GNPTAB: variants seen among roughly 807,000 people sequenced by gnomAD.
GNPTAB encodes N-acetylglucosamine-1-phosphotransferase subunits alpha/beta.
In GNPTAB, 92 loss-of-function variants were observed where a neutral mutation model predicts 136.6. The observed-to-expected ratio is 0.67, with a 90% confidence interval of 0.57 to 0.80. GNPTAB has a LOEUF of 0.80. GNPTAB is among the 30% of genes least tolerant of loss of function. The pLI is 0.00. For missense variants in GNPTAB, 1,343 were observed against 1,501.8 expected, an observed-to-expected ratio of 0.89 and a Z score of 1.75; for synonymous variants, 512 against 535.1, an observed-to-expected ratio of 0.96 and a Z score of 0.60.
At chr12:101,821,615 T>C (rs890295462) in intron 1 of GNPTAB, among the ~76,000 whole-genome samples, 33 of 148,436 alleles carry the variant, frequency 2.2e-4, no homozygotes, top group Non-Finnish European at 3.9e-4. Flanking sequence ...TCAGAGGAGG[T>C]TTTCAGAGGT....
At chr12:101,828,076 T>A (rs141233445) in intron 1 of GNPTAB, among the ~76,000 whole-genome samples, 54 of 152,340 alleles carry the variant, frequency 3.5e-4, no homozygotes, top group Non-Finnish European at 6.8e-4. Context: ...ATATTAACTA[T>A]ATGATCAAAG....
At chr12:101,818,070 CCT>C (rs1376277965) in intron 1 of GNPTAB, among the ~76,000 whole-genome samples, 2 of 152,222 alleles carry the variant, frequency 1.3e-5, no homozygotes, top group Non-Finnish European at 2.9e-5. Flanking sequence ...GCTTCATTCC[CCT>C]GTCACTCCAA....
Position 101,812,464 on chromosome 12 carries a change from C to T in GNPTAB, c.118-15702G>A, listed in dbSNP as rs533526129. On this transcript the variant is annotated intron_variant, in intron 1 of 20. Coordinates refer to ENST00000299314, the MANE Select transcript of GNPTAB (RefSeq NM_024312.5). ...AAGGCCTCAAAAAATTAGCAAAAAC[C>T]TCAAAGTTGGGCTGGGCACAGTGGC... Among the ~76,000 whole-genome samples the T allele has an allele frequency of 2.1e-4, 32 of 152,228 alleles. 2 individuals carry two copies. The highest frequency in any genetic ancestry group is 3.4e-3 in the Middle Eastern group (1 of 294).
intron 7 of GNPTAB, among the ~76,000 whole-genome samples, chr12:101,775,443 T>G (rs944250061): frequency 6.6e-6 from 1 of 150,430 alleles, no homozygotes; most frequent in Non-Finnish European, 1.5e-5. Context: ...TGCTGCAACC[T>G]CTGCCTGCTG....
In GNPTAB at chr12:101,753,376, C is replaced by T. The variant is rs137853825; in HGVS notation, c.3598G>A (p.Glu1200Lys). 2,586 of 1,613,188 alleles carry T rather than the reference C, an allele frequency of 1.6e-3. 43 individuals are homozygous for T. In the South Asian group the frequency reaches 0.02, roughly 13 times the overall value. The change falls in exon 19 of 21, where the codon GAA (glutamate) becomes AAA (lysine). Residue 1200 changes from glutamate to lysine, a missense_variant. Coordinates refer to ENST00000299314, the MANE Select transcript of GNPTAB (RefSeq NM_024312.5). Reference protein sequence around the residue: ...NRFLHMHELQEWRAYRDKLKF... With the variant: ...NRFLHMHELQKWRAYRDKLKF... Reference sequence around the variant, plus strand: ...ATATAAAACATGAGAATTTACCATTCCTGCAGCTCATGCATATGAAGGAAA... The same window carrying T: ...ATATAAAACATGAGAATTTACCATTTCTGCAGCTCATGCATATGAAGGAAA...
intron 1 of GNPTAB, among the ~76,000 whole-genome samples, chr12:101,818,361 T>C (rs1051459258): frequency 2.7e-5 from 4 of 150,570 alleles, no homozygotes; most frequent in African/African-American, 9.8e-5. Context: ...GAAAGCAACT[T>C]AAATATATTT....
At chr12:101,765,513 G>C (rs1953077155) in intron 12 of GNPTAB, 1 of 571,670 alleles carries the variant, frequency 1.7e-6, no homozygotes, top group Non-Finnish European at 3.1e-6. Context: ...TAGGCACTGA[G>C]TTTTCACTTT....
At chr12:101,750,319 C>T (rs1285689127) in intron 19 of GNPTAB, among the ~76,000 whole-genome samples, 1 of 152,236 alleles carries the variant, frequency 6.6e-6, no homozygotes, top group East Asian at 1.9e-4. Flanking sequence ...TCAAGTCACA[C>T]ATCCAAAACG....
chr12:101,818,708 G>T (rs767383576), intron 1 of GNPTAB, among the ~76,000 whole-genome samples: 1 of 152,070 alleles, frequency 6.6e-6, no homozygotes, highest in Non-Finnish European at 1.5e-5. Flanking sequence ...TAGACAACCT[G>T]GCTAATATAG....
At chr12:101,812,908 A>T (rs1459254319) in intron 1 of GNPTAB, among the ~76,000 whole-genome samples, 2 of 152,106 alleles carry the variant, frequency 1.3e-5, no homozygotes, top group African/African-American at 4.8e-5. Context: ...AGACTTAAGC[A>T]ATCCTCCCAC....
intron 19 of GNPTAB, among the ~76,000 whole-genome samples, chr12:101,749,974 C>T (rs1338567157): frequency 1.1e-4 from 16 of 152,172 alleles, no homozygotes; most frequent in Non-Finnish European, 1.5e-5. Context: ...TCAGGGTAAA[C>T]ATGTTGGCCA....
At chr12:101,805,551 C>A (rs4764821) in intron 1 of GNPTAB, among the ~76,000 whole-genome samples, 1 of 152,060 alleles carries the variant, frequency 6.6e-6, no homozygotes, top group African/African-American at 2.4e-5. Flanking sequence ...CACATCACTA[C>A]GTCTGGCTAA....
intron 4 of GNPTAB, among the ~76,000 whole-genome samples, chr12:101,787,841 AG>A (rs1474685367): frequency 5.0e-5 from 7 of 140,868 alleles, no homozygotes; most frequent in Non-Finnish European, 3.0e-5. Flanking sequence ...TGAACCTGGG[AG>A]GCGGAGGTTG....
At chr12:101,806,964 C>T (rs1869964217) in intron 1 of GNPTAB, among the ~76,000 whole-genome samples, 1 of 152,086 alleles carries the variant, frequency 6.6e-6, no homozygotes, top group Admixed American at 6.6e-5. Flanking sequence ...CAAAACAAGG[C>T]AAAGACATTA....
intron 7 of GNPTAB, chr12:101,779,053 AT>A (rs1953300379): frequency 6.6e-6 from 1 of 152,178 alleles, no homozygotes; most frequent in Admixed American, 6.5e-5. Flanking sequence ...GTTAAAAGGA[AT>A]TTGGTTGGGG....
intron 19 of GNPTAB, among the ~76,000 whole-genome samples, chr12:101,751,426 A>T (rs1322400134): frequency 6.6e-6 from 1 of 152,204 alleles, no homozygotes; most frequent in Non-Finnish European, 1.5e-5. Context: ...CTGGTACCAC[A>T]TGCCTTTCAT....
chr12:101,822,368 C>G (rs536432994), intron 1 of GNPTAB, among the ~76,000 whole-genome samples: 3 of 152,110 alleles, frequency 2.0e-5, no homozygotes, highest in Non-Finnish European at 2.9e-5. Context: ...GAGCCGAGAT[C>G]GCGCCACTGC....
chr12:101,761,089 TA>T (rs1455791172), intron 15 of GNPTAB, 37 bp downstream of exon 15: 12 of 1,469,518 alleles, frequency 8.2e-6, no homozygotes, highest in East Asian at 2.3e-5. Flanking sequence ...AATTCTCATT[TA>T]AAACATCAAA....
At position 101,765,018 on chromosome 12, in the gene GNPTAB, C is replaced by T. The variant is rs760912338; in HGVS notation, c.1899G>A (p.Val633=). 4 of 1,614,180 alleles carry T rather than the reference C, an allele frequency of 2.5e-6. No individual in the cohort carries two copies. The highest frequency in any genetic ancestry group is 1.1e-5 in the South Asian group (1 of 91,084). Residue 633 remains valine (V), a synonymous_variant, in exon 13 of 21, where the codon GTG becomes GTA. Transcript: ENST00000299314. The part of the protein sequence containing the change: ...EEFKMQITVE[V]DTREGPKLNS... ...TCAGTTTTGGTCCCTCCCTTGTGTC[C>T]ACCTCCACTGTTATCTGCATTTTGA...
Sources: gnomAD v4.1 joint callset for allele counts (sites outside exome capture counted in the v4.1 genomes callset) on GRCh38, gnomAD v4.1.1 for gene constraint, MANE v1.5 for transcripts, NCBI Gene and HGNC (gene_info 2026-07-23, HGNC 2026-07-21) for gene names.